TRERF1: variants seen among roughly 807,000 people sequenced by gnomAD.
TRERF1 encodes the protein transcriptional regulating factor 1.
TRERF1 carries 27 observed loss-of-function variants against 122.9 expected under a neutral mutation model. The ratio of observed to expected loss-of-function variants is 0.22; its 90% CI spans 0.16 to 0.30. The LOEUF (loss-of-function observed/expected upper bound fraction) is 0.30, where lower values mean the gene tolerates loss of function less well. TRERF1 is among the 10% of genes least tolerant of loss of function. TRERF1 has a pLI of 1.00. For missense variants in TRERF1, 1,248 were observed against 1,560.3 expected, an observed-to-expected ratio of 0.80 and a Z score of 3.37; for synonymous variants, 636 against 641.7, an observed-to-expected ratio of 0.99 and a Z score of 0.13.
intron 3 of TRERF1, among the ~76,000 whole-genome samples, chr6:42,305,992 C>A (rs192702318): frequency 1.3e-4 from 15 of 112,218 alleles, no homozygotes; most frequent in Non-Finnish European, 1.9e-5. Context: ...CCAAATATCT[C>A]TCCTTTTTTT....
chr6:42,398,375 G>A (rs1778927415), intron 2 of TRERF1, among the ~76,000 whole-genome samples: 1 of 152,152 alleles, frequency 6.6e-6, no homozygotes, highest in Non-Finnish European at 1.5e-5. Flanking sequence ...AATCCAGAGT[G>A]TGGCCATCAC....
intron 2 of TRERF1, among the ~76,000 whole-genome samples, chr6:42,408,263 G>GTA (rs1780539364): frequency 6.3e-5 from 7 of 111,866 alleles, no homozygotes; most frequent in East Asian, 3.0e-4. Context: ...ACACATGTGT[G>GTA]TGTATGTATA....
intron 3 of TRERF1, among the ~76,000 whole-genome samples, chr6:42,336,985 T>C (rs762358890): frequency 6.6e-6 from 1 of 152,100 alleles, no homozygotes; most frequent in Non-Finnish European, 1.5e-5. Flanking sequence ...CAGCTCATGA[T>C]AGGAGCTGCG....
chr6:42,283,538 T>C (rs1782653957), intron 4 of TRERF1, among the ~76,000 whole-genome samples: 1 of 152,086 alleles, frequency 6.6e-6, no homozygotes, highest in African/African-American at 2.4e-5. Context: ...CTTTTTATAT[T>C]TTTCTGTGTT....
chr6:42,237,920 G>C (rs908136878), intron 15 of TRERF1, among the ~76,000 whole-genome samples: 1 of 152,158 alleles, frequency 6.6e-6, no homozygotes, highest in Non-Finnish European at 1.5e-5. Flanking sequence ...TTAAGAAATG[G>C]CTTCAGTTTC....
chr6:42,361,223 C>T (rs1771695503), intron 3 of TRERF1, among the ~76,000 whole-genome samples: 1 of 152,206 alleles, frequency 6.6e-6, no homozygotes, highest in Admixed American at 6.5e-5. Flanking sequence ...AACGTGAAAG[C>T]AACCCTCACC....
intron 2 of TRERF1, among the ~76,000 whole-genome samples, chr6:42,438,218 G>A (rs547268560): frequency 4.6e-5 from 7 of 151,772 alleles, no homozygotes; most frequent in African/African-American, 1.2e-4. Context: ...CACCGTGAGC[G>A]GCTTGCAGCT....
In TRERF1 at chr6:42,233,316, C is replaced by T. The variant is rs544428212; in HGVS notation, c.3067-424G>A. On this transcript the variant is annotated intron_variant, in intron 16 of 17. Coordinates refer to ENST00000372922, the Ensembl canonical transcript of TRERF1. ...TTTTTTTTTTTTTGAGACAGAGTCTCGCTCTGTCACCCAGGCTGGAGTGTG... is the reference window on the plus strand; with the variant it reads ...TTTTTTTTTTTTTGAGACAGAGTCTTGCTCTGTCACCCAGGCTGGAGTGTG... 6.4e-5 allele frequency among the ~76,000 whole-genome samples: 9 copies of T among 140,510 alleles called. No homozygotes were observed. In the South Asian group the frequency reaches 6.8e-4, roughly 11 times the overall value. The allele number at this position is 140,510 out of a possible 152,430, so 92.2% of individuals were successfully genotyped here.
chr6:42,273,556 C>A (rs761335622), intron 4 of TRERF1, among the ~76,000 whole-genome samples: 2 of 152,102 alleles, frequency 1.3e-5, no homozygotes, highest in Non-Finnish European at 2.9e-5. Context: ...TGGAGAGGAC[C>A]AGGAAGGGTA....
intron 2 of TRERF1, among the ~76,000 whole-genome samples, chr6:42,412,836 C>A (rs1464700475): frequency 6.6e-6 from 1 of 152,070 alleles, no homozygotes; most frequent in Non-Finnish European, 1.5e-5. Flanking sequence ...ATCCCAGCTA[C>A]TAGGGAGGCT....
chr6:42,243,592 T>TG (rs1484039999), intron 14 of TRERF1, among the ~76,000 whole-genome samples: 1 of 151,980 alleles, frequency 6.6e-6, no homozygotes, highest in African/African-American at 2.4e-5. Context: ...ATTTTTTTTT[T>TG]TTTTTTGAGA....
At chr6:42,288,397 C>T (rs750489073) in intron 4 of TRERF1, among the ~76,000 whole-genome samples, 28 of 151,798 alleles carry the variant, frequency 1.8e-4, no homozygotes, top group Non-Finnish European at 3.1e-4. Context: ...GGTGAAACCC[C>T]ATCTCTACTA....
At chr6:42,243,872 G>A (rs1774244225) in intron 14 of TRERF1, among the ~76,000 whole-genome samples, 2 of 136,844 alleles carry the variant, frequency 1.5e-5, no homozygotes, top group Non-Finnish European at 3.1e-5. Flanking sequence ...GAGTCACTGC[G>A]CCCAGCCTTT....
chr6:42,369,270 T>C (rs574512381), intron 2 of TRERF1, among the ~76,000 whole-genome samples: 2 of 152,148 alleles, frequency 1.3e-5, no homozygotes, highest in Non-Finnish European at 2.9e-5. Flanking sequence ...GCCAACATGG[T>C]GAAACCCCGT....
chr6:42,378,282 T>C (rs1775262099), intron 2 of TRERF1, among the ~76,000 whole-genome samples: 1 of 151,904 alleles, frequency 6.6e-6, no homozygotes, highest in African/African-American at 2.4e-5. Context: ...GAAAGCAAAC[T>C]TGATAAGTCG....
chr6:42,322,414 G>C (rs1359973351), intron 3 of TRERF1, among the ~76,000 whole-genome samples: 2 of 152,058 alleles, frequency 1.3e-5, no homozygotes, highest in African/African-American at 4.8e-5. Flanking sequence ...GTTAGGAAGG[G>C]AAGGGGCCAG....
At chr6:42,391,979 T>C (rs572830637) in intron 2 of TRERF1, among the ~76,000 whole-genome samples, 2 of 152,300 alleles carry the variant, frequency 1.3e-5, no homozygotes, top group East Asian at 3.9e-4. Flanking sequence ...GAGAAAGACA[T>C]CCAGAGTTGG....
chr6:42,232,560 A>T lies in TRERF1; in HGVS notation c.3278+121T>A. ...ACCCATCCCAAAGATGACACGAAGA[A>T]GAGTTTTGAGGTCTAAGTTCTTTTT... On this transcript the variant is annotated intron_variant, in intron 17 of 17. Transcript: ENST00000372922. The surrounding 1 kb of genome is among the most constrained non-coding windows in gnomAD (Gnocchi z 4.5). The T allele has an allele frequency of 7.8e-7, 1 of 1,283,872 alleles. No homozygotes were observed. 79.5% of individuals were successfully genotyped at this position (1,283,872 alleles called of 1,614,324 possible). A position where few individuals can be genotyped will look rare whatever the true frequency, so the allele number is the denominator to read the frequency against.
At chr6:42,446,178 T>C (rs545093518) in intron 2 of TRERF1, among the ~76,000 whole-genome samples, 1 of 152,342 alleles carries the variant, frequency 6.6e-6, no homozygotes, top group South Asian at 2.1e-4. Context: ...CCTCCCGAAG[T>C]GCTAGGATTA....
Sources: allele counts gnomAD v4.1 joint callset (sites outside exome capture counted in the v4.1 genomes callset), GRCh38; gene constraint gnomAD v4.1.1; non-coding constraint Gnocchi (gnomAD v3.1); transcripts MANE v1.5; gene names NCBI Gene and HGNC (gene_info 2026-07-23, HGNC 2026-07-21).